The following SPECC1L variants were observed in gnomAD, a reference collection of about 807,000 sequenced individuals.
SPECC1L encodes the protein sperm antigen with calponin homology and coiled-coil domains 1 like, also known as cytospin-A.
Under a neutral mutation model 116.8 loss-of-function variants are expected in SPECC1L, and 40 were observed. The ratio of observed to expected loss-of-function variants is 0.34; its 90% CI spans 0.27 to 0.45. SPECC1L has a LOEUF of 0.45. SPECC1L is among the 20% of genes least tolerant of loss of function. The probability of loss-of-function intolerance (pLI) is 1.00; values close to 1 mark genes in which losing one functional copy is unlikely to be tolerated. For synonymous variants in SPECC1L, 504 were observed against 500.6 expected (o/e 1.01, Z -0.09); for missense variants, 1,110 against 1,373.6 (o/e 0.81, Z 3.03).
chr22:24,318,410 A>G (rs1055650329), intron 4 of SPECC1L, among the ~76,000 whole-genome samples: 47 of 152,154 alleles, frequency 3.1e-4, no homozygotes, highest in Non-Finnish European at 8.8e-5. Flanking sequence ...AATCGCAGGC[A>G]CTCGGCAGGC....
At chr22:24,279,570 A>AATTATT (rs56978503) in intron 2 of SPECC1L, among the ~76,000 whole-genome samples, 3,637 of 150,522 alleles carry the variant, frequency 0.024, 144 homozygotes, top group South Asian at 0.11. Flanking sequence ...TTATTTTTTT[A>AATTATT]ATTATTATTA....
intron 14 of SPECC1L, among the ~76,000 whole-genome samples, chr22:24,374,029 T>C (rs369389674): frequency 1.7e-4 from 26 of 152,062 alleles, no homozygotes; most frequent in South Asian, 4.2e-4. Flanking sequence ...AAATGCTCAT[T>C]ATCACTGGCC....
Position 24,322,748 on chromosome 22 carries a change from G to A in SPECC1L, c.1768G>A (p.Val590Met), listed in dbSNP as rs1601553401. ...TCAGCTGGAGAATGAAAAGCAGAAAGTGGCAGAGCTGTATTCTATCCATAA... is the reference window on the plus strand; with the variant it reads ...TCAGCTGGAGAATGAAAAGCAGAAAATGGCAGAGCTGTATTCTATCCATAA... ...KAQLENEKQK[V>M]AELYSIHNSG... The change falls in exon 5 of 17, where the codon GTG (valine) becomes ATG (methionine). Residue 590 changes from valine (V) to methionine (M), a missense_variant. Val to Met is a conservative substitution (Grantham distance 21). Coordinates refer to ENST00000314328, the MANE Select transcript of SPECC1L (RefSeq NM_015330.6). The A allele has an allele frequency of 2.5e-6, 4 of 1,580,938 alleles. No homozygotes were observed. The highest frequency in any genetic ancestry group is 2.6e-6 in the Non-Finnish European group (3 of 1,165,608).
chr22:24,287,751 C>A (rs2049069421), intron 2 of SPECC1L, among the ~76,000 whole-genome samples: 1 of 152,158 alleles, frequency 6.6e-6, no homozygotes, highest in South Asian at 2.1e-4. Flanking sequence ...ATAATACCCA[C>A]TTCTTATGAT....
chr22:24,384,259 G>C (rs1240356627), intron 14 of SPECC1L, among the ~76,000 whole-genome samples: 1 of 152,078 alleles, frequency 6.6e-6, no homozygotes, highest in East Asian at 1.9e-4. Context: ...AAAGATACTA[G>C]GTTAAGAAGA....
intron 2 of SPECC1L, among the ~76,000 whole-genome samples, chr22:24,284,714 C>T (rs773567178): frequency 2.0e-5 from 3 of 152,146 alleles, no homozygotes; most frequent in South Asian, 2.1e-4. Flanking sequence ...GGATTACATG[C>T]GTGAACCACA....
intron 2 of SPECC1L, among the ~76,000 whole-genome samples, chr22:24,296,382 A>G (rs534414516): frequency 6.6e-6 from 1 of 152,350 alleles, no homozygotes; most frequent in East Asian, 1.9e-4. Context: ...GGTGTTTTTA[A>G]GAAACACTGT....
At chr22:24,308,354 A>G (rs1391989744) in intron 3 of SPECC1L, among the ~76,000 whole-genome samples, 1 of 152,164 alleles carries the variant, frequency 6.6e-6, no homozygotes, top group Non-Finnish European at 1.5e-5. Context: ...TTAAATTCGG[A>G]ATAGTTTCTC....
chr22:24,391,827 A>G (rs1452029145), intron 14 of SPECC1L, among the ~76,000 whole-genome samples: 1 of 152,182 alleles, frequency 6.6e-6, no homozygotes, highest in African/African-American at 2.4e-5. Context: ...TTTTTCTTGC[A>G]TTCTTTTTCC....
At chr22:24,340,723 C>G (rs545919022) in intron 10 of SPECC1L, among the ~76,000 whole-genome samples, 56 of 152,262 alleles carry the variant, frequency 3.7e-4, no homozygotes, top group African/African-American at 1.3e-3. Context: ...TACAGTGCGT[C>G]TCAAACCTAA....
At chr22:24,326,361 C>T (rs928954528) in intron 6 of SPECC1L, among the ~76,000 whole-genome samples, 2 of 152,136 alleles carry the variant, frequency 1.3e-5, no homozygotes, top group African/African-American at 4.8e-5. Flanking sequence ...TGTCCAAAAC[C>T]CTGAATTTGT....
intron 11 of SPECC1L, among the ~76,000 whole-genome samples, chr22:24,356,003 C>T (rs2041525857): frequency 6.6e-6 from 1 of 152,162 alleles, no homozygotes; most frequent in African/African-American, 2.4e-5. Context: ...CTACCATACA[C>T]CCCATTCCCT....
At chr22:24,330,728 T>C (rs907339535) in intron 8 of SPECC1L, among the ~76,000 whole-genome samples, 1 of 152,196 alleles carries the variant, frequency 6.6e-6, no homozygotes, top group South Asian at 2.1e-4. Flanking sequence ...TAATTTTCTT[T>C]AGATTGTAGC....
chr22:24,368,974 T>G (rs1039627580), intron 13 of SPECC1L, among the ~76,000 whole-genome samples: 1 of 152,212 alleles, frequency 6.6e-6, no homozygotes, highest in African/African-American at 2.4e-5. Flanking sequence ...CACTTTGTAC[T>G]GTCTTTGCCA....
chr22:24,341,360 C>T (rs1265096687), intron 10 of SPECC1L, among the ~76,000 whole-genome samples: 3 of 152,206 alleles, frequency 2.0e-5, no homozygotes, highest in African/African-American at 2.4e-5. Context: ...AGCTATCACA[C>T]AAACACTTCT....
chr22:24,331,527 C>T (rs1025236643), intron 8 of SPECC1L, among the ~76,000 whole-genome samples: 2 of 152,066 alleles, frequency 1.3e-5, no homozygotes, highest in African/African-American at 4.8e-5. Flanking sequence ...AGTTTCATTC[C>T]TTTGGATCTC....
At chr22:24,364,372 G>A (rs995377335) in intron 12 of SPECC1L, among the ~76,000 whole-genome samples, 1 of 152,068 alleles carries the variant, frequency 6.6e-6, no homozygotes, top group Non-Finnish European at 1.5e-5. Flanking sequence ...TTTTTAAAAT[G>A]TGCCCTGAGG....
intron 14 of SPECC1L, among the ~76,000 whole-genome samples, chr22:24,374,450 T>C (rs1317266467): frequency 1.3e-5 from 2 of 151,846 alleles, no homozygotes; most frequent in African/African-American, 2.4e-5. Context: ...CCATAAAAAA[T>C]GATGAGTTCA....
intron 8 of SPECC1L, among the ~76,000 whole-genome samples, chr22:24,331,965 T>G (rs1184286120): frequency 6.6e-6 from 1 of 152,216 alleles, no homozygotes; most frequent in African/African-American, 2.4e-5. Context: ...AAAGCACTTC[T>G]GCTTTATGTG....
Sources: gnomAD v4.1 joint callset for allele counts (sites outside exome capture counted in the v4.1 genomes callset) on GRCh38, gnomAD v4.1.1 for gene constraint, MANE v1.5 for transcripts, NCBI Gene and HGNC (gene_info 2026-07-23, HGNC 2026-07-21) for gene names.